LIPI: variants seen among roughly 807,000 people sequenced by gnomAD.
LIPI encodes the protein lipase I.
Under a neutral mutation model 50.6 loss-of-function variants are expected in LIPI, and 59 were observed. The ratio of observed to expected loss-of-function variants is 1.16; its 90% CI spans 0.94 to 1.45. The LOEUF (loss-of-function observed/expected upper bound fraction) is 1.45. Among genes scored for constraint, LIPI ranks in the 40% most tolerant of loss-of-function variants. LIPI has a pLI of 0.00. For missense variants in LIPI, 586 were observed against 536.3 expected, an observed-to-expected ratio of 1.09 and a Z score of -0.92; for synonymous variants, 203 against 178.2, an observed-to-expected ratio of 1.14 and a Z score of -1.11.
intron 9 of LIPI, among the ~76,000 whole-genome samples, chr21:14,142,713 G>A (rs965916258): frequency 3.3e-5 from 5 of 151,414 alleles, no homozygotes; most frequent in Admixed American, 2.6e-4. Flanking sequence ...CAAACTCTTG[G>A]CCTCTAGTGA....
At chr21:14,136,425 C>T (rs73157509) in intron 9 of LIPI, among the ~76,000 whole-genome samples, 21,242 of 152,172 alleles carry the variant, frequency 0.14, 1,962 homozygotes, top group South Asian at 0.22. Flanking sequence ...CACTGGTAGT[C>T]TGGCAGTACT....
At chr21:14,169,334 A>G (rs2018809132) in intron 4 of LIPI, among the ~76,000 whole-genome samples, 1 of 152,154 alleles carries the variant, frequency 6.6e-6, no homozygotes, top group African/African-American at 2.4e-5. Context: ...GATACCCAGG[A>G]ATTGAACTCA....
chr21:14,199,615 A>G (rs1375573059), intron 1 of LIPI, among the ~76,000 whole-genome samples: 1 of 151,488 alleles, frequency 6.6e-6, no homozygotes, highest in Non-Finnish European at 1.5e-5. Flanking sequence ...CCAAAAAAAA[A>G]AAGCCTAAGA....
intron 4 of LIPI, among the ~76,000 whole-genome samples, chr21:14,171,026 A>G (rs2018882083): frequency 6.6e-6 from 1 of 150,960 alleles, no homozygotes; most frequent in Admixed American, 6.6e-5. Context: ...GTCTCAGGAT[A>G]CAAAATCAAT....
intron 4 of LIPI, among the ~76,000 whole-genome samples, chr21:14,180,821 G>A (rs955793064): frequency 2.0e-5 from 3 of 152,120 alleles, no homozygotes; most frequent in Admixed American, 6.6e-5. Context: ...TGGCATTTAC[G>A]TATCTCACAC....
intron 9 of LIPI, among the ~76,000 whole-genome samples, chr21:14,130,583 G>A (rs75329126): frequency 0.027 from 4,150 of 152,252 alleles, 182 homozygotes; most frequent in African/African-American, 0.091. Flanking sequence ...ACACCTGAGT[G>A]GAGCACCGCC....
chr21:14,188,567 C>CAAAAAA (rs577516831), intron 2 of LIPI, among the ~76,000 whole-genome samples: 63 of 65,918 alleles, frequency 9.6e-4, no homozygotes, highest in South Asian at 2.9e-3. Flanking sequence ...GAACCTGTCT[C>CAAAAAA]AAAAAAAAAA....
At chr21:14,130,087 G>GT (rs997146639) in intron 9 of LIPI, among the ~76,000 whole-genome samples, 1 of 152,012 alleles carries the variant, frequency 6.6e-6, no homozygotes, top group African/African-American at 2.4e-5. Flanking sequence ...TGTAAAGTTA[G>GT]TTTTTAAAAA....
chr21:14,114,101 C>T (rs1448142997), intron 9 of LIPI, among the ~76,000 whole-genome samples: 2 of 151,898 alleles, frequency 1.3e-5, no homozygotes, highest in Non-Finnish European at 2.9e-5. Flanking sequence ...TCACTTCAAC[C>T]CGGGAGGCAG....
chr21:14,189,349 C>T lies in LIPI; in HGVS notation c.117G>A (p.Pro39=), dbSNP rs764110158. The T allele has an allele frequency of 3.6e-5, 58 of 1,611,428 alleles. No individual in the cohort carries two copies. The highest frequency in any genetic ancestry group is 4.5e-5 in the Non-Finnish European group (53 of 1,177,806). ...VKDSFRDLFI[P]RIETILMMYT... is the part of the protein sequence containing the mutation. ...ACATCATCAGAATGGTCTCTATTCT[C>T]GGAATAAATAAATCTCTGAAGGAAT... is the stretch of plus-strand genomic sequence containing the variant. The change falls in exon 2 of 10, where the codon CCG becomes CCA. Residue 39 remains proline, a synonymous_variant. Transcript: ENST00000681601.
chr21:14,202,527 C>T (rs547783331), intron 1 of LIPI, among the ~76,000 whole-genome samples: 1,984 of 152,052 alleles, frequency 0.013, 36 homozygotes, highest in African/African-American at 0.044. Context: ...GAAATAATGC[C>T]GCATATCTAC....
In LIPI at chr21:14,134,244, A is replaced by G. The variant is rs144091765; in HGVS notation, c.1295+10379T>C. On this transcript the variant is annotated intron_variant, in intron 9 of 9. Coordinates refer to ENST00000681601, the MANE Select transcript of LIPI (RefSeq NM_001302998.2). ...AGATTCTGTCAAAAAAACAAAACAA[A>G]AACAAAACTCTGTAAGGATAACAAC... 8.2e-3 allele frequency among the ~76,000 whole-genome samples: 1,255 copies of G among 152,138 alleles called. 21 individuals are homozygous for G. The highest frequency in any genetic ancestry group is 0.028 in the African/African-American group (1,160 of 41,502).
At chr21:14,203,732 T>G (rs2020141807) in intron 1 of LIPI, among the ~76,000 whole-genome samples, 1 of 151,380 alleles carries the variant, frequency 6.6e-6, no homozygotes, top group Non-Finnish European at 1.5e-5. Flanking sequence ...ATACCTAATG[T>G]TACATGATAT....
intron 1 of LIPI, among the ~76,000 whole-genome samples, chr21:14,192,472 CAAAG>C (rs1477104484): frequency 6.6e-6 from 1 of 151,892 alleles, no homozygotes; most frequent in Non-Finnish European, 1.5e-5. Flanking sequence ...TCAAAACAAA[CAAAG>C]AAACAAACAA....
At chr21:14,166,888 T>C (rs965454350) in intron 4 of LIPI, among the ~76,000 whole-genome samples, 1 of 152,176 alleles carries the variant, frequency 6.6e-6, no homozygotes, top group Non-Finnish European at 1.5e-5. Flanking sequence ...GCGCACCATG[T>C]GCAAGCCGAA....
At chr21:14,136,118 T>TGGG (rs2017490553) in intron 9 of LIPI, among the ~76,000 whole-genome samples, 1 of 152,072 alleles carries the variant, frequency 6.6e-6, no homozygotes. Context: ...CTGACAGCAT[T>TGGG]CATCACCTGC....
intron 7 of LIPI, among the ~76,000 whole-genome samples, chr21:14,161,619 TATA>T (rs1171788056): frequency 6.3e-5 from 7 of 111,054 alleles, no homozygotes; most frequent in African/African-American, 2.7e-4. Context: ...AATATACATA[TATA>T]ATATATTAAT....
At chr21:14,209,924 A>G (rs997044677) in intron 1 of LIPI, among the ~76,000 whole-genome samples, 3 of 151,988 alleles carry the variant, frequency 2.0e-5, no homozygotes, top group Non-Finnish European at 2.9e-5. Flanking sequence ...ACTACATATC[A>G]GTATCATTTA....
chr21:14,168,317 C>T (rs2018766217), intron 4 of LIPI, among the ~76,000 whole-genome samples: 1 of 152,170 alleles, frequency 6.6e-6, no homozygotes, highest in African/African-American at 2.4e-5. Flanking sequence ...AGGACTTCCC[C>T]AATCTAGCGA....
Sources: gnomAD v4.1 joint callset for allele counts (sites outside exome capture counted in the v4.1 genomes callset) on GRCh38, gnomAD v4.1.1 for gene constraint, MANE v1.5 for transcripts, NCBI Gene and HGNC (gene_info 2026-07-23, HGNC 2026-07-21) for gene names.